The following RRH variants were observed in gnomAD, a reference collection of about 807,000 sequenced individuals.
RRH encodes the protein retinal pigment epithelium-derived rhodopsin homolog.
RRH carries 36 observed loss-of-function variants against 33.1 expected under a neutral mutation model. The ratio of observed to expected loss-of-function variants is 1.09; its 90% CI spans 0.83 to 1.44. RRH has a LOEUF of 1.44. RRH is among the 40% of genes most tolerant of loss of function. The probability of loss-of-function intolerance (pLI) is 0.00; values close to 1 mark genes in which losing one functional copy is unlikely to be tolerated. For synonymous variants in RRH, 124 were observed against 140.2 expected (o/e 0.88, Z 0.82); for missense variants, 393 against 420.2 (o/e 0.94, Z 0.57).
chr4:109,836,265 C>T (rs1034948762), intron 4 of RRH, 105 bp downstream of exon 4: 25 of 1,172,222 alleles, frequency 2.1e-5, no homozygotes, highest in East Asian at 9.8e-5. Context: ...CAGAAGGTGG[C>T]GAAGCACTTC....
intron 2 of RRH, among the ~76,000 whole-genome samples, chr4:109,834,430 C>T (rs1337795678): frequency 6.6e-6 from 1 of 150,606 alleles, no homozygotes; most frequent in Non-Finnish European, 1.5e-5. Flanking sequence ...TCTGGGTTCA[C>T]ACCATTCTCC....
chr4:109,840,202 A>G (rs762937346), intron 5 of RRH, among the ~76,000 whole-genome samples: 31 of 147,232 alleles, frequency 2.1e-4, no homozygotes, highest in Admixed American at 7.4e-4. Context: ...TTTGATTTGC[A>G]TTTCTCTCAT....
At chr4:109,834,866 A>G (rs1250363100) in intron 2 of RRH, among the ~76,000 whole-genome samples, 1 of 152,140 alleles carries the variant, frequency 6.6e-6, no homozygotes, top group African/African-American at 2.4e-5. Context: ...AACATTTGGG[A>G]TTGTCAGACT....
intron 5 of RRH, 143 bp downstream of exon 5, chr4:109,837,748 C>T (rs1165207176): frequency 1.4e-6 from 1 of 703,146 alleles, no homozygotes; most frequent in Non-Finnish European, 2.5e-6. Flanking sequence ...TTTGCTTCCT[C>T]ATTTCTTTTT....
At chr4:109,835,042 C>T (rs578189766) in intron 2 of RRH, among the ~76,000 whole-genome samples, 2 of 152,176 alleles carry the variant, frequency 1.3e-5, no homozygotes, top group East Asian at 3.9e-4. Flanking sequence ...TTGTCTTTTC[C>T]TCCTGTTGAA....
intron 2 of RRH, among the ~76,000 whole-genome samples, chr4:109,834,035 C>T (rs1733823486): frequency 6.6e-6 from 1 of 152,144 alleles, no homozygotes; most frequent in African/African-American, 2.4e-5. Context: ...CGCATGCCAT[C>T]TTCAATCTTA....
intron 1 of RRH, among the ~76,000 whole-genome samples, chr4:109,831,950 A>T (rs949781112): frequency 3.3e-5 from 5 of 152,040 alleles, no homozygotes; most frequent in Non-Finnish European, 5.9e-5. Flanking sequence ...TTCTGACTGA[A>T]GTGCCAAGAT....
rs760337159 is a variant in RRH at position 109,835,342 on chromosome 4, A to G, written c.298-24A>G. The stretch of plus-strand genomic sequence containing the variant: ...CTTGGGAGGGTGTTTAGAATGGTAG[A>G]GTCTTTTCAATTTTGGTTTTCAGGT... On this transcript the variant is annotated intron_variant, in intron 2 of 6. Transcript: ENST00000317735. 9 of 1,488,186 alleles carry G rather than the reference A, an allele frequency of 6.0e-6. No homozygotes were observed. The South Asian group carries it at 1.0e-4, about 17-fold the overall frequency. 92.2% of individuals were successfully genotyped at this position (1,488,186 alleles called of 1,614,324 possible). A position where few individuals can be genotyped will look rare whatever the true frequency, so the allele number is the denominator to read the frequency against.
intron 1 of RRH, among the ~76,000 whole-genome samples, chr4:109,828,348 G>A (rs1473566474): frequency 6.6e-6 from 1 of 151,858 alleles, no homozygotes; most frequent in Non-Finnish European, 1.5e-5. Flanking sequence ...AAAGAATAAG[G>A]GAAAGCATTG....
At chr4:109,843,235 C>T (rs184670589) in intron 6 of RRH, among the ~76,000 whole-genome samples, 45 of 152,302 alleles carry the variant, frequency 3.0e-4, no homozygotes, top group Admixed American at 2.5e-3. Flanking sequence ...GAAGTTTAGA[C>T]GGAGTCTCTC....
intron 5 of RRH, among the ~76,000 whole-genome samples, chr4:109,840,486 T>C (rs1733965047): frequency 6.6e-6 from 1 of 152,198 alleles, no homozygotes; most frequent in African/African-American, 2.4e-5. Context: ...ATCCTATTTG[T>C]CAACTTTTGC....
At position 109,835,461 on chromosome 4, in the gene RRH, C is replaced by T. The variant is rs762940459; in HGVS notation, c.393C>T (p.Asp131=). Residue 131 remains aspartate, a synonymous_variant, in exon 3 of 7, where the codon GAC becomes GAT. Transcript: ENST00000317735. Reference sequence around the variant, plus strand: ...GATACCTGACCATCTGCCTTCCTGACGTAGGTACAACACTTTTCTCAGCTT... The same window carrying T: ...GATACCTGACCATCTGCCTTCCTGATGTAGGTACAACACTTTTCTCAGCTT... The part of the protein sequence containing the change: ...VDRYLTICLP[D]VGRRMTTNTY... 17 of 1,609,762 alleles carry T rather than the reference C, an allele frequency of 1.1e-5. No individual in the cohort carries two copies. Among genetic ancestry groups the T allele is most frequent in the South Asian group, 9.9e-5 (9 of 90,992 alleles).
chr4:109,843,952 G>T, intron 6 of RRH, 131 bp from the exon 7 acceptor site: 1 of 681,346 alleles, frequency 1.5e-6, no homozygotes. Flanking sequence ...AACAGGACAT[G>T]TTAAAGTTGG....
chr4:109,830,149 C>T (rs984624859), intron 1 of RRH, among the ~76,000 whole-genome samples: 2 of 152,116 alleles, frequency 1.3e-5, no homozygotes, highest in African/African-American at 4.8e-5. Context: ...GAGCACTCTC[C>T]CTTTCCCCAG....
At chr4:109,832,607 G>A (rs1433717362) in intron 1 of RRH, among the ~76,000 whole-genome samples, 1 of 151,194 alleles carries the variant, frequency 6.6e-6, no homozygotes, top group Non-Finnish European at 1.5e-5. Flanking sequence ...TATGGTAGAT[G>A]CTTAGTAAAC....
In RRH at chr4:109,844,394, A is replaced by G. The variant is rs921591640; in HGVS notation, c.*197A>G. 2.0e-6 allele frequency: 1 copy of G among 489,204 alleles called. No homozygotes were observed. Among genetic ancestry groups the G allele is most frequent in the Non-Finnish European group, 3.7e-6 (1 of 267,950 alleles). 30.3% of individuals were successfully genotyped at this position (489,204 alleles called of 1,614,324 possible). The stretch of plus-strand genomic sequence containing the variant: ...TGCTTCTCTGTGTCCTGATATATCA[A>G]CTTATTGCTCATCTCCTTTGATGAA... On this transcript the variant is annotated 3_prime_UTR_variant, in exon 7 of 7. Coordinates refer to ENST00000317735, the MANE Select transcript of RRH (RefSeq NM_006583.5).
At chr4:109,831,104 T>C (rs1435459318) in intron 1 of RRH, among the ~76,000 whole-genome samples, 1 of 152,222 alleles carries the variant, frequency 6.6e-6, no homozygotes, top group Non-Finnish European at 1.5e-5. Context: ...ACCCCCATTA[T>C]TTCTAAGACT....
At position 109,844,806 on chromosome 4, in the gene RRH, C is replaced by T. The variant is rs56105579; in HGVS notation, c.*609C>T. 0.048 allele frequency among the ~76,000 whole-genome samples: 7,363 copies of T among 152,016 alleles called. 591 individuals carry two copies. Among genetic ancestry groups the T allele is most frequent in the African/African-American group, 0.17 (6,872 of 41,430 alleles). ...GTACCATTTTTCTGCATATATATTC[C>T]ATATATTTGCCAACAGAGTTAACTT... On this transcript the variant is annotated 3_prime_UTR_variant, in exon 7 of 7. Transcript: ENST00000317735.
intron 2 of RRH, among the ~76,000 whole-genome samples, chr4:109,834,151 G>A (rs1401070365): frequency 2.0e-5 from 3 of 151,946 alleles, no homozygotes; most frequent in Non-Finnish European, 4.4e-5. Context: ...TGCATTATGC[G>A]ATTTCCTTTC....
Sources: allele counts gnomAD v4.1 joint callset (sites outside exome capture counted in the v4.1 genomes callset), GRCh38; gene constraint gnomAD v4.1.1; transcripts MANE v1.5; gene names NCBI Gene and HGNC (gene_info 2026-07-23, HGNC 2026-07-21).